EML5: variants seen among roughly 807,000 people sequenced by gnomAD.
EML5 encodes the protein echinoderm microtubule-associated protein-like 5.
In EML5, 120 loss-of-function variants were observed where a neutral mutation model predicts 250.0. The ratio of observed to expected loss-of-function variants is 0.48; its 90% CI spans 0.41 to 0.56. The LOEUF is 0.56. Among genes scored for constraint, EML5 ranks in the 20% least tolerant of loss-of-function variants. The pLI, the probability that EML5 is intolerant of heterozygous loss-of-function variation, is 0.00. For synonymous variants in EML5, 771 were observed against 806.5 expected (o/e 0.96, Z 0.75); for missense variants, 2,006 against 2,437.6 (o/e 0.82, Z 3.73).
intron 17 of EML5, among the ~76,000 whole-genome samples, chr14:88,690,723 T>A (rs2092937256): frequency 6.6e-6 from 1 of 152,204 alleles, no homozygotes; most frequent in Admixed American, 6.5e-5. Context: ...CACACTTTTA[T>A]GCTGAAGGGA....
rs1323896651 is a variant in EML5, at chr14:88,767,532, AT to A, written c.198-12862del. Among the ~76,000 whole-genome samples the A allele has an allele frequency of 3.3e-5, 5 of 152,198 alleles. No homozygotes were observed. The East Asian group carries it at 9.6e-4, about 29-fold the overall frequency. On this transcript the variant is annotated intron_variant, in intron 1 of 43. Coordinates refer to ENST00000554922, the MANE Select transcript of EML5 (RefSeq NM_183387.3). ...CCTCTGGACAAAAAGCATTTTTCCT[AT>A]TTTTAAATTATTTGTCATAATATTG...
rs367574928 is a variant in EML5 at position 88,657,491 on chromosome 14, C to G, written c.3889G>C (p.Asp1297His). 1.9e-6 allele frequency: 3 copies of G among 1,604,924 alleles called. No individual in the cohort carries two copies. The highest frequency in any genetic ancestry group is 2.7e-5 in the African/African-American group (2 of 74,708). The change falls in exon 27 of 44, where the codon GAT becomes CAT. Residue 1297 changes from aspartate (D) to histidine (H), a missense_variant. Asp to His is a moderately conservative substitution (Grantham distance 81). Around this residue, in one of 7 missense-constraint regions of EML5, gnomAD observed 1,375 missense variants for 1,590.3 expected, o/e 0.86. Coordinates refer to ENST00000554922, the MANE Select transcript of EML5 (RefSeq NM_183387.3). ...CTGATTTCATTCTCCCTTGTAACAT[C>G]ACTGTCATAGCCTACAATAAAAATA... ...DSEEDGGYDS[D>H]VTRENEISYT... is the part of the protein sequence containing the mutation.
chr14:88,628,183 T>C (rs1354137504), intron 33 of EML5, among the ~76,000 whole-genome samples: 1 of 152,120 alleles, frequency 6.6e-6, no homozygotes, highest in Non-Finnish European at 1.5e-5. Context: ...ATACAAATAT[T>C]AAACAATAAA....
At chr14:88,727,470 C>T (rs896318338) in intron 7 of EML5, among the ~76,000 whole-genome samples, 44 of 146,168 alleles carry the variant, frequency 3.0e-4, no homozygotes, top group Non-Finnish European at 5.5e-4. Flanking sequence ...GGTGTGATCT[C>T]GGCTCACTGC....
intron 15 of EML5, among the ~76,000 whole-genome samples, chr14:88,696,559 G>A (rs574757095): frequency 3.9e-5 from 6 of 152,120 alleles, no homozygotes; most frequent in Non-Finnish European, 7.4e-5. Flanking sequence ...CAAACCACCT[G>A]TGGTAACTGA....
chr14:88,785,026 C>T (rs766315901), intron 1 of EML5, among the ~76,000 whole-genome samples: 3 of 152,156 alleles, frequency 2.0e-5, no homozygotes, highest in Non-Finnish European at 2.9e-5. Context: ...AAAACGAGAT[C>T]CTGTCATTTG....
intron 1 of EML5, 103 bp from the exon 2 acceptor site, chr14:88,754,774 A>G (rs1015585008): frequency 2.6e-4 from 248 of 946,180 alleles, no homozygotes; most frequent in Non-Finnish European, 3.8e-4. Flanking sequence ...TGAACATTAG[A>G]CTTTATCCAC....
intron 1 of EML5, among the ~76,000 whole-genome samples, chr14:88,764,456 T>C (rs921361488): frequency 2.0e-5 from 3 of 152,216 alleles, no homozygotes; most frequent in African/African-American, 7.2e-5. Context: ...AATAGTGATA[T>C]CCTGATGAAT....
intron 20 of EML5, among the ~76,000 whole-genome samples, chr14:88,682,473 G>T (rs1312731035): frequency 2.0e-5 from 3 of 150,930 alleles, no homozygotes; most frequent in Non-Finnish European, 2.9e-5. Context: ...AACAAAGGAA[G>T]GAACATTTAC....
At chr14:88,728,806 G>A (rs1873033288) in intron 7 of EML5, among the ~76,000 whole-genome samples, 1 of 151,946 alleles carries the variant, frequency 6.6e-6, no homozygotes, top group African/African-American at 2.4e-5. Context: ...TATGGTATCT[G>A]CAGGGGGTCT....
intron 21 of EML5, among the ~76,000 whole-genome samples, chr14:88,675,715 TCA>T (rs975161523): frequency 2.6e-5 from 4 of 152,318 alleles, no homozygotes; most frequent in Admixed American, 1.3e-4. Context: ...TTCTTTTCTG[TCA>T]CAGTCAGGCT....
rs560335405 is a variant in EML5, at chr14:88,677,473, G to A, written c.3124+4417C>T. On this transcript the variant is annotated intron_variant, in intron 21 of 43. Transcript: ENST00000554922. ...AAATGGGATCTAATTAAACTGAAGA[G>A]CTTCCTCACAGCAAAAGAAACTGTC... Among the ~76,000 whole-genome samples the A allele has an allele frequency of 2.2e-4, 33 of 152,298 alleles. No individual in the cohort carries two copies. In the South Asian group the frequency reaches 6.9e-3, roughly 32 times the overall value.
Position 88,740,550 on chromosome 14 carries a change from G to A in EML5, c.548C>T (p.Ala183Val). ...HIKFWSLCGN[A>V]LTPKRGVFGK... ...AAAGACACCTCGTTTTGGGGTCAGA[G>A]CATTTCCACATAAACTCCAGAACTA... is the stretch of plus-strand genomic sequence containing the variant. Residue 183 changes from alanine (A) to valine (V), a missense_variant, in exon 5 of 44, where the codon GCT becomes GTT. Around this residue, in one of 7 missense-constraint regions of EML5, gnomAD observed 1,375 missense variants for 1,590.3 expected, o/e 0.86. Coordinates refer to ENST00000554922, the MANE Select transcript of EML5 (RefSeq NM_183387.3). The A allele has an allele frequency of 6.2e-7, 1 of 1,610,218 alleles. No individual in the cohort carries two copies. The highest frequency in any genetic ancestry group is 8.5e-7 in the Non-Finnish European group (1 of 1,178,610).
Position 88,615,247 on chromosome 14 carries a change from G to A in EML5, c.*571C>T, listed in dbSNP as rs1211482467. 6.6e-6 allele frequency: 1 copy of A among 152,138 alleles called. No individual in the cohort carries two copies. The highest frequency in any genetic ancestry group is 1.5e-5 in the Non-Finnish European group (1 of 68,026). 9.4% of individuals were successfully genotyped at this position (152,138 alleles called of 1,614,324 possible). On this transcript the variant is annotated 3_prime_UTR_variant, in exon 44 of 44. Coordinates refer to ENST00000554922, the MANE Select transcript of EML5 (RefSeq NM_183387.3). ...GAGAAAAGTGTCCTTTATAAAAAAG[G>A]ACCTTATTAATGCCTAAAAAACATC...
chr14:88,644,349 G>A (rs1267414717), intron 30 of EML5, 84 bp downstream of exon 30: 3 of 1,276,712 alleles, frequency 2.3e-6, no homozygotes, highest in East Asian at 4.8e-5. Flanking sequence ...TGATTTTCAT[G>A]AAAACTAATG....
At position 88,665,329 on chromosome 14, in the gene EML5, G is replaced by A. The variant is rs1040306715; in HGVS notation, c.3277+8C>T. 1.2e-5 allele frequency: 19 copies of A among 1,606,266 alleles called. No individual in the cohort carries two copies. The African/African-American group carries it at 2.4e-4, about 20-fold the overall frequency. On this transcript the variant is annotated splice_region_variant and intron_variant, in intron 22 of 43. Transcript: ENST00000554922. ...TTAATACTCAAATACAATTTCAATG[G>A]ATCTTACCAGGTGAAAATCGAATAT...
chr14:88,624,967 C>T lies in EML5; in HGVS notation c.4898+3G>A, dbSNP rs1175802760. 1.2e-6 allele frequency: 2 copies of T among 1,612,822 alleles called. No individual in the cohort carries two copies. Among genetic ancestry groups the T allele is most frequent in the Non-Finnish European group, 1.7e-6 (2 of 1,179,432 alleles). Reference sequence around the variant, plus strand: ...ATATTCTGTGAAAAGAAAGAGGACTCACGGCCTTTCCTTTCCCCCAGTCAC... The same window carrying T: ...ATATTCTGTGAAAAGAAAGAGGACTTACGGCCTTTCCTTTCCCCCAGTCAC... On this transcript the variant is annotated splice_donor_region_variant and intron_variant, in intron 36 of 43. Transcript: ENST00000554922.
chr14:88,736,233 T>G (rs1434973111), intron 7 of EML5, 131 bp downstream of exon 7: 1 of 951,352 alleles, frequency 1.1e-6, no homozygotes, highest in Non-Finnish European at 1.6e-6. Flanking sequence ...TCCCTTGACC[T>G]TGTGATCTGC....
In EML5 at chr14:88,688,424, A is replaced by AT; in HGVS notation, c.2588dup (p.Asn863LysfsTer2). On this transcript the variant is annotated frameshift_variant, in exon 18 of 44. Transcript: ENST00000554922. LOFTEE classifies it high-confidence loss of function. Reference sequence around the variant, plus strand: ...CATACACTGCACACATCATTGTGTCATTTTTCCCCAGTGTGCCTATGTAGC... The same window carrying AT: ...CATACACTGCACACATCATTGTGTCATTTTTTCCCCAGTGTGCCTATGTAGC... 6.2e-7 allele frequency: 1 copy of AT among 1,613,936 alleles called. No homozygotes were observed. The highest frequency in any genetic ancestry group is 8.5e-7 in the Non-Finnish European group (1 of 1,179,880).
Sources: allele counts gnomAD v4.1 joint callset (sites outside exome capture counted in the v4.1 genomes callset), GRCh38; gene constraint gnomAD v4.1.1; regional missense constraint gnomAD v4.1.1; transcripts MANE v1.5; gene names NCBI Gene and HGNC (gene_info 2026-07-23, HGNC 2026-07-21).